The following LRRC74B variants were observed in gnomAD, a reference collection of about 807,000 sequenced individuals.
LRRC74B encodes leucine-rich repeat-containing protein 74B.
LRRC74B carries 30 observed loss-of-function variants against 16.6 expected under a neutral mutation model. The observed-to-expected ratio is 1.80, with a 90% confidence interval of 1.35 to 2.45. The LOEUF is 2.45. LRRC74B is among the 30% of genes most tolerant of loss of function. The pLI is 0.00. For synonymous variants in LRRC74B, 134 were observed against 86.0 expected (o/e 1.56, Z -3.09); for missense variants, 326 against 202.4 (o/e 1.61, Z -3.71).
chr22:21,056,523 T>C (rs1400585981), intron 7 of LRRC74B: 2 of 145,116 alleles, frequency 1.4e-5, no homozygotes, highest in African/African-American at 5.1e-5. Context: ...AAAAGTAACA[T>C]AGCATGTCAT....
In LRRC74B at chr22:21,060,323, A is replaced by G. The variant is rs756447682; in HGVS notation, c.1024-50A>G. ...TTGCGTGTGTGAGTGAAAAATGGTG[A>G]AGTTCTCAGATAGTAACAAAGTTCA... is the stretch of plus-strand genomic sequence containing the variant. On this transcript the variant is annotated intron_variant, in intron 8 of 8. Transcript: ENST00000442047. The G allele has an allele frequency of 2.0e-5, 13 of 636,012 alleles. 1 individual carries two copies. The highest frequency in any genetic ancestry group is 1.9e-4 in the South Asian group (10 of 53,602). 39.4% of individuals were successfully genotyped at this position (636,012 alleles called of 1,614,324 possible). A position where few individuals can be genotyped will look rare whatever the true frequency, so the allele number is the denominator to read the frequency against.
At chr22:21,051,372 T>C (rs1930029710) in intron 4 of LRRC74B, among the ~76,000 whole-genome samples, 1 of 152,142 alleles carries the variant, frequency 6.6e-6, no homozygotes, top group Admixed American at 6.5e-5. Flanking sequence ...TCTCGCTATT[T>C]TGCCCAGGCT....
At chr22:21,051,306 T>C (rs1215884307) in intron 4 of LRRC74B, among the ~76,000 whole-genome samples, 1 of 152,198 alleles carries the variant, frequency 6.6e-6, no homozygotes, top group African/African-American at 2.4e-5. Flanking sequence ...GTGAGGGTTG[T>C]AGGATGACCG....
At chr22:21,063,767 G>A (rs1930918410), downstream of LRRC74B, 1 of 152,254 alleles carries the variant, frequency 6.6e-6, no homozygotes, top group Non-Finnish European at 1.5e-5. Flanking sequence ...TTGAGGTCAG[G>A]AGTTCGAGAC....
upstream of LRRC74B, chr22:21,045,956 C>G: frequency 1.4e-6 from 1 of 714,450 alleles, no homozygotes; most frequent in Admixed American, 2.0e-5. Flanking sequence ...GTCTCCGACT[C>G]AGTGTCTGAG....
chr22:21,053,668 G>A, intron 6 of LRRC74B, 193 bp downstream of exon 6: 1 of 513,020 alleles, frequency 1.9e-6, no homozygotes, highest in Non-Finnish European at 3.5e-6. Flanking sequence ...TTATTGCCCA[G>A]GGTAGAGTGC....
chr22:21,048,480 A>G, intron 3 of LRRC74B: 1 of 254,586 alleles, frequency 3.9e-6, no homozygotes, highest in Admixed American at 4.9e-5. Flanking sequence ...GATCTGTGAA[A>G]TGGCCCCCAA....
exon 9 of LRRC74B, chr22:21,060,452 G>T: frequency 1.4e-6 from 1 of 716,962 alleles, no homozygotes; most frequent in African/African-American, 1.7e-5. Flanking sequence ...ATAAAGACTG[G>T]CGCTTGCAGA....
At chr22:21,052,604 A>G (rs1019668585) in intron 5 of LRRC74B, among the ~76,000 whole-genome samples, 40 of 152,160 alleles carry the variant, frequency 2.6e-4, no homozygotes, top group African/African-American at 9.4e-4. Context: ...CCCAGACACC[A>G]TAGACACCCA....
At chr22:21,063,332 G>A (rs1930901218), downstream of LRRC74B, 1 of 152,130 alleles carries the variant, frequency 6.6e-6, no homozygotes, top group Non-Finnish European at 1.5e-5. Flanking sequence ...AAAAAAGTGA[G>A]AAAAATAAAA....
rs1341438943 is a variant in LRRC74B, at chr22:21,046,906, A to G, written c.140-450A>G. Among the ~76,000 whole-genome samples the G allele has an allele frequency of 3.9e-5, 6 of 152,162 alleles. 1 individual carries two copies. In the East Asian group the frequency reaches 1.2e-3, roughly 29 times the overall value. On this transcript the variant is annotated intron_variant, in intron 1 of 8. Coordinates refer to ENST00000442047, the Ensembl canonical transcript of LRRC74B. Reference sequence around the variant, plus strand: ...CAGGAGTTCGAGACCAGCCTGGCCAACATGGTGAAACCCCGTCTCTACTGA... The same window carrying G: ...CAGGAGTTCGAGACCAGCCTGGCCAGCATGGTGAAACCCCGTCTCTACTGA...
In LRRC74B at chr22:21,047,868, G is replaced by T. The variant is rs1569193912; in HGVS notation, c.283-16G>T. 1.4e-6 allele frequency: 1 copy of T among 717,034 alleles called. No homozygotes were observed. The highest frequency in any genetic ancestry group is 2.7e-5 in the East Asian group (1 of 37,286). The allele number at this position is 717,034 out of a possible 1,614,324, so 44.4% of individuals were successfully genotyped here. ...AGCCAGGATAGTGGCCAGTGTGTTTGCTCTGTCTGTCCCAGGGCGCCCGGG... is the reference window on the plus strand; with the variant it reads ...AGCCAGGATAGTGGCCAGTGTGTTTTCTCTGTCTGTCCCAGGGCGCCCGGG... On this transcript the variant is annotated splice_polypyrimidine_tract_variant and intron_variant, in intron 2 of 8. Coordinates refer to ENST00000442047, the Ensembl canonical transcript of LRRC74B.
rs1027137917 is a variant in LRRC74B at position 21,053,497 on chromosome 22, C to T, written c.848+22C>T. 8.4e-6 allele frequency: 6 copies of T among 713,394 alleles called. No individual in the cohort carries two copies. In the African/African-American group the frequency reaches 1.1e-4, roughly 12 times the overall value. 44.2% of individuals were successfully genotyped at this position (713,394 alleles called of 1,614,324 possible). A position where few individuals can be genotyped will look rare whatever the true frequency, so the allele number is the denominator to read the frequency against. On this transcript the variant is annotated intron_variant, in intron 6 of 8. Transcript: ENST00000442047. The stretch of plus-strand genomic sequence containing the variant: ...TGAGGTGAGGATCCCCGGGGGGACA[C>T]CCCAGGAATCATGGGCTCCATGATC...
At chr22:21,057,031 C>G in intron 7 of LRRC74B, 74 bp from the exon 8 acceptor site, 1 of 699,014 alleles carries the variant, frequency 1.4e-6, no homozygotes, top group Non-Finnish European at 2.6e-6. Flanking sequence ...ATGAGGAGCC[C>G]CTCCTTCCCT....
chr22:21,062,570 G>C (rs542291436), downstream of LRRC74B: 21 of 151,894 alleles, frequency 1.4e-4, no homozygotes, highest in African/African-American at 5.1e-4. Context: ...AAAATTAGCC[G>C]GGTGTGGTGG....
At chr22:21,046,251 C>A (rs1281059882) in intron 1 of LRRC74B, 126 bp downstream of exon 1, 1 of 612,156 alleles carries the variant, frequency 1.6e-6, no homozygotes, top group Non-Finnish European at 2.9e-6. Flanking sequence ...CCTCCAGCCC[C>A]CTGCCTTCCC....
At chr22:21,047,277 G>A (rs1929523671) in intron 1 of LRRC74B, 79 bp from the exon 2 acceptor site, 2 of 662,236 alleles carry the variant, frequency 3.0e-6, no homozygotes, top group East Asian at 5.5e-5. Context: ...ACATAGGCCA[G>A]GTAGTGACAC....
intron 2 of LRRC74B, 46 bp downstream of exon 2, chr22:21,047,544 C>T (rs73164869): frequency 0.062 from 44,336 of 709,510 alleles, 1,733 homozygotes; most frequent in Non-Finnish European, 0.08. Flanking sequence ...GGAGAGGCCT[C>T]GGGAGACAGC....
At chr22:21,049,368 T>G (rs562666152) in intron 4 of LRRC74B, 1 of 563,476 alleles carries the variant, frequency 1.8e-6, no homozygotes, top group African/African-American at 1.9e-5. Context: ...CTGCTGTATG[T>G]GCTGGGCACT....
Sources: gnomAD v4.1 joint callset for allele counts (sites outside exome capture counted in the v4.1 genomes callset) on GRCh38, gnomAD v4.1.1 for gene constraint, MANE v1.5 for transcripts, NCBI Gene and HGNC (gene_info 2026-07-23, HGNC 2026-07-21) for gene names.